The following TXNDC16 variants were observed in gnomAD, a reference collection of about 807,000 sequenced individuals.
The protein encoded by TXNDC16 is thioredoxin domain containing 16.
TXNDC16 carries 74 observed loss-of-function variants against 85.6 expected under a neutral mutation model. The ratio of observed to expected loss-of-function variants is 0.86; its 90% CI spans 0.72 to 1.05. The LOEUF is 1.05. TXNDC16 is among the 50% of genes least tolerant of loss of function. The probability of loss-of-function intolerance (pLI) is 0.00; values close to 1 mark genes in which losing one functional copy is unlikely to be tolerated. For synonymous variants in TXNDC16, 335 were observed against 326.5 expected (o/e 1.03, Z -0.28); for missense variants, 959 against 947.0 (o/e 1.01, Z -0.17).
intron 16 of TXNDC16, among the ~76,000 whole-genome samples, chr14:52,458,934 A>T (rs2035594342): frequency 1.3e-5 from 2 of 152,144 alleles, no homozygotes; most frequent in South Asian, 4.1e-4. Context: ...TGTAGATCTC[A>T]GATGCATATC....
chr14:52,464,549 A>G (rs1316993897), intron 16 of TXNDC16, among the ~76,000 whole-genome samples: 1 of 152,224 alleles, frequency 6.6e-6, no homozygotes, highest in Non-Finnish European at 1.5e-5. Context: ...TTGGAGCAAA[A>G]ACATTCAAAA....
chr14:52,443,664 T>C (rs1006645648), intron 18 of TXNDC16, among the ~76,000 whole-genome samples: 1 of 152,170 alleles, frequency 6.6e-6, no homozygotes, highest in African/African-American at 2.4e-5. Flanking sequence ...GAGGCAAATA[T>C]GGCTGTGAGA....
chr14:52,440,445 G>T, intron 19 of TXNDC16, 119 bp downstream of exon 19: 1 of 701,426 alleles, frequency 1.4e-6, no homozygotes, highest in Non-Finnish European at 2.1e-6. Context: ...ATATCATGGT[G>T]ACATATTTGG....
At chr14:52,453,366 T>C (rs944641397) in intron 18 of TXNDC16, among the ~76,000 whole-genome samples, 1 of 152,178 alleles carries the variant, frequency 6.6e-6, no homozygotes, top group Non-Finnish European at 1.5e-5. Context: ...CAAAGAGATA[T>C]CTGCACTCGC....
chr14:52,496,231 A>G (rs2036529569), intron 9 of TXNDC16, among the ~76,000 whole-genome samples: 1 of 152,036 alleles, frequency 6.6e-6, no homozygotes, highest in Non-Finnish European at 1.5e-5. Flanking sequence ...CAGGCATAGT[A>G]TAACCACTAT....
intron 7 of TXNDC16, among the ~76,000 whole-genome samples, chr14:52,515,195 G>A (rs1015639223): frequency 2.0e-5 from 3 of 152,088 alleles, no homozygotes; most frequent in Admixed American, 2.0e-4. Context: ...TAGAAAATGA[G>A]TTTTTACTTG....
chr14:52,432,430 T>C lies in TXNDC16; in HGVS notation c.2352A>G (p.Lys784=), dbSNP rs1566523965. 1 of 1,613,942 alleles carries C rather than the reference T, an allele frequency of 6.2e-7. No individual in the cohort carries two copies. Among genetic ancestry groups the C allele is most frequent in the East Asian group, 2.2e-5 (1 of 44,864 alleles). Residue 784 remains lysine, a synonymous_variant, in exon 21 of 21, where the codon AAA becomes AAG. Transcript: ENST00000281741. The part of the protein sequence containing the change: ...QENDKEQHED[K]SAVRKEPIET... ...CAATCGGTTCTTTTCTGACTGCCGA[T>C]TTATCTTCATGTTGTTCCTTATCAT...
At chr14:52,542,804 ATCATTTTCTAATCACAATTATAAT>A (rs1188238433) in intron 3 of TXNDC16, among the ~76,000 whole-genome samples, 1 of 152,210 alleles carries the variant, frequency 6.6e-6, no homozygotes, top group East Asian at 1.9e-4. Context: ...ATTTTAAAAT[ATCATTTTCTAATCACAATTATAAT>A]AAGGGAGCCA....
intron 18 of TXNDC16, among the ~76,000 whole-genome samples, chr14:52,446,168 G>C (rs545487418): frequency 5.9e-5 from 9 of 152,300 alleles, no homozygotes; most frequent in Non-Finnish European, 7.4e-5. Flanking sequence ...CACTGAAGAG[G>C]TAGGAAAAAC....
At chr14:52,527,405 G>A (rs1333333227) in intron 6 of TXNDC16, among the ~76,000 whole-genome samples, 3 of 152,052 alleles carry the variant, frequency 2.0e-5, no homozygotes, top group Non-Finnish European at 2.9e-5. Flanking sequence ...AGTATTCTAC[G>A]TTTTGTGAGA....
intron 8 of TXNDC16, among the ~76,000 whole-genome samples, chr14:52,513,368 C>A (rs1426092226): frequency 6.6e-6 from 1 of 152,034 alleles, no homozygotes; most frequent in Non-Finnish European, 1.5e-5. Flanking sequence ...ACCCAAATAG[C>A]CAACTACTTT....
chr14:52,536,552 T>C (rs1018647942), intron 6 of TXNDC16, among the ~76,000 whole-genome samples, 167 bp downstream of exon 6: 1 of 152,196 alleles, frequency 6.6e-6, no homozygotes, highest in African/African-American at 2.4e-5. Flanking sequence ...CATTAAAAAA[T>C]TTTTTAGATC....
intron 9 of TXNDC16, among the ~76,000 whole-genome samples, chr14:52,509,523 G>T (rs1238751067): frequency 6.6e-6 from 1 of 151,246 alleles, no homozygotes; most frequent in Non-Finnish European, 1.5e-5. Flanking sequence ...TAGTCAAAAT[G>T]CAACCACAGA....
At chr14:52,469,403 A>G (rs1391471401) in intron 16 of TXNDC16, among the ~76,000 whole-genome samples, 2 of 152,158 alleles carry the variant, frequency 1.3e-5, no homozygotes, top group African/African-American at 4.8e-5. Flanking sequence ...TTCACCAAAT[A>G]TTATGTAGCC....
At chr14:52,534,448 T>C (rs1379840580) in intron 6 of TXNDC16, among the ~76,000 whole-genome samples, 1 of 152,194 alleles carries the variant, frequency 6.6e-6, no homozygotes, top group African/African-American at 2.4e-5. Context: ...TAGTGTACTT[T>C]ATGTGTGGAC....
chr14:52,467,575 C>T (rs1028973277), intron 16 of TXNDC16, among the ~76,000 whole-genome samples: 2 of 152,002 alleles, frequency 1.3e-5, no homozygotes, highest in African/African-American at 4.8e-5. Context: ...AGATGGCTAT[C>T]ATAAAAAATA....
chr14:52,514,281 G>A (rs763711422), intron 8 of TXNDC16, among the ~76,000 whole-genome samples: 5 of 152,006 alleles, frequency 3.3e-5, no homozygotes, highest in Non-Finnish European at 7.4e-5. Flanking sequence ...AAAAACTCTT[G>A]GATGGCATTA....
chr14:52,467,022 T>G (rs1238815200), intron 16 of TXNDC16, among the ~76,000 whole-genome samples: 1 of 151,270 alleles, frequency 6.6e-6, no homozygotes, highest in Non-Finnish European at 1.5e-5. Context: ...AAAAGACAGA[T>G]CAGAGACTTG....
At chr14:52,437,404 A>G (rs2035053615) in intron 20 of TXNDC16, among the ~76,000 whole-genome samples, 2 of 152,182 alleles carry the variant, frequency 1.3e-5, no homozygotes, top group Non-Finnish European at 2.9e-5. Flanking sequence ...TCTTAACTCA[A>G]AAGATATTAA....
Sources: allele counts gnomAD v4.1 joint callset (sites outside exome capture counted in the v4.1 genomes callset), GRCh38; gene constraint gnomAD v4.1.1; transcripts MANE v1.5; gene names NCBI Gene and HGNC (gene_info 2026-07-23, HGNC 2026-07-21).